Variants in CLASRP observed in about 807,000 individuals in gnomAD.
CLASRP encodes the protein CLK4 associating serine/arginine rich protein, also known as CLK4-associating serine/arginine rich protein.
Under a neutral mutation model 99.9 loss-of-function variants are expected in CLASRP, and 52 were observed. That is an observed-to-expected ratio of 0.52 (90% CI 0.42 to 0.66). The LOEUF is 0.66. Ranked by LOEUF, CLASRP falls within the 30% of genes least tolerant of loss-of-function variation. The pLI is 0.00. For missense variants in CLASRP, 848 were observed against 999.2 expected, an observed-to-expected ratio of 0.85 and a Z score of 2.04; for synonymous variants, 379 against 373.0, an observed-to-expected ratio of 1.02 and a Z score of -0.18.
chr19:45,050,998 C>T (rs1378309794), intron 2 of CLASRP, among the ~76,000 whole-genome samples: 1 of 152,068 alleles, frequency 6.6e-6, no homozygotes, highest in Non-Finnish European at 1.5e-5. Flanking sequence ...GGATTACCGG[C>T]GTGAGCCACT....
At chr19:45,051,978 A>G (rs1972032149) in intron 2 of CLASRP, 93 bp from the exon 3 acceptor site, 2 of 930,078 alleles carry the variant, frequency 2.2e-6, no homozygotes, top group Non-Finnish European at 3.3e-6. Context: ...AAAAAAAAAA[A>G]GAAGTGAGCT....
Position 45,056,523 on chromosome 19 carries a change from TGAG to T in CLASRP, c.454_456del (p.Glu152del). ...GAGGCCTCCAGAGACCCAGCGAAGATGAGAAGAAGAAGTGAGTCGGGGTCTGGG... is the reference window on the plus strand; with the variant it reads ...GAGGCCTCCAGAGACCCAGCGAAGATAAGAAGAAGTGAGTCGGGGTCTGGG... On this transcript the variant is annotated inframe_deletion, in exon 6 of 21. Coordinates refer to ENST00000221455, the MANE Select transcript of CLASRP (RefSeq NM_007056.3). The T allele has an allele frequency of 1.2e-6, 2 of 1,613,564 alleles. No individual in the cohort carries two copies. Among genetic ancestry groups the T allele is most frequent in the Admixed American group, 1.7e-5 (1 of 60,004 alleles).
intron 4 of CLASRP, 51 bp from the exon 5 acceptor site, chr19:45,053,047 G>C (rs76839524): frequency 1.7e-4 from 267 of 1,603,970 alleles, no homozygotes; most frequent in East Asian, 1.5e-3. Context: ...GCTGGCTTGG[G>C]GGGGGATCCA....
Position 45,070,557 on chromosome 19 carries a change from C to T in CLASRP, c.1978C>T (p.Arg660Ter). The T allele has an allele frequency of 1.2e-6, 2 of 1,613,640 alleles. No homozygotes were observed. Among genetic ancestry groups the T allele is most frequent in the Non-Finnish European group, 1.7e-6 (2 of 1,179,612 alleles). The change falls in exon 20 of 21, where the codon CGA becomes TGA. Residue 660 changes from arginine (R) to a stop codon, truncating the protein, a stop_gained. Coordinates refer to ENST00000221455, the MANE Select transcript of CLASRP (RefSeq NM_007056.3). LOFTEE classifies it high-confidence loss of function. ...TCCAGGTCGAGAATACAGCTCTTCT[C>T]GAAGGTAAGGAAGCCCATGACCCTC... ...PRYSREYSSSRRRSRSRSRSP... is the reference protein window; with the variant it reads ...PRYSREYSSS
At chr19:45,062,221 A>G (rs763336939) in intron 11 of CLASRP, 26 bp downstream of exon 11, 78 of 1,355,574 alleles carry the variant, frequency 5.8e-5, no homozygotes, top group Non-Finnish European at 7.4e-5. Flanking sequence ...GGACCAGGGA[A>G]TAGCAGACAG....
intron 15 of CLASRP, 163 bp downstream of exon 15, chr19:45,068,217 T>C (rs1316203396): frequency 5.8e-6 from 4 of 686,658 alleles, no homozygotes; most frequent in Non-Finnish European, 1.1e-5. Flanking sequence ...CATGTCCCTC[T>C]CCCCTCCTCA....
chr19:45,059,273 G>C lies in CLASRP; in HGVS notation c.619G>C (p.Glu207Gln). ...CAGCCTTTCTCTTGGTGCAGACGTG[G>C]AGGTGGACGTGGATGAATTGAACCA... The part of the protein sequence containing the change: ...EDEVIPDIDV[E>Q]VDVDELNQEQ... Residue 207 changes from glutamate to glutamine, a missense_variant, in exon 8 of 21, where the codon GAG (glutamate) becomes CAG (glutamine). Glu to Gln is a conservative substitution (Grantham distance 29). Around this residue, in one of 8 missense-constraint regions of CLASRP, gnomAD observed 119 missense variants for 170.2 expected, o/e 0.70. Coordinates refer to ENST00000221455, the MANE Select transcript of CLASRP (RefSeq NM_007056.3). 1 of 1,609,866 alleles carries C rather than the reference G, an allele frequency of 6.2e-7. No individual in the cohort carries two copies. The highest frequency in any genetic ancestry group is 8.5e-7 in the Non-Finnish European group (1 of 1,178,056).
At chr19:45,068,173 G>T in intron 15 of CLASRP, 119 bp downstream of exon 15, 1 of 854,954 alleles carries the variant, frequency 1.2e-6, no homozygotes. Flanking sequence ...CCAGGGACAG[G>T]GAGGGGAGGG....
chr19:45,052,095 C>T lies in CLASRP; in HGVS notation c.124C>T (p.Gln42Ter). Residue 42 changes from glutamine (Q) to a stop codon, truncating the protein, a stop_gained, in exon 3 of 21, where the codon CAG becomes TAG. Transcript: ENST00000221455. LOFTEE classifies it high-confidence loss of function. ...GAAGAAGGACCCAGCCCAGTTCCTG[C>T]AGGTACATGGCCGAGCTTGCAAGGT... is the stretch of plus-strand genomic sequence containing the variant. ...KIKKDPAQFL[Q>*]VHGRACKVHL... The T allele has an allele frequency of 6.2e-7, 1 of 1,614,032 alleles. No homozygotes were observed. The highest frequency in any genetic ancestry group is 8.5e-7 in the Non-Finnish European group (1 of 1,180,016).
intron 13 of CLASRP, among the ~76,000 whole-genome samples, chr19:45,066,075 C>A (rs1219999808): frequency 6.6e-6 from 1 of 152,094 alleles, no homozygotes; most frequent in Non-Finnish European, 1.5e-5. Flanking sequence ...CTTTCTAGTT[C>A]TCAGGAGAAG....
At chr19:45,051,177 C>T (rs1972015772) in intron 2 of CLASRP, among the ~76,000 whole-genome samples, 1 of 152,004 alleles carries the variant, frequency 6.6e-6, no homozygotes, top group South Asian at 2.1e-4. Context: ...CCACACCAGT[C>T]TCTAAATGAA....
intron 11 of CLASRP, 106 bp from the exon 12 acceptor site, chr19:45,063,906 G>A (rs1967000135): frequency 2.1e-6 from 3 of 1,455,134 alleles, no homozygotes; most frequent in South Asian, 1.4e-5. Context: ...CTGGTTTCCC[G>A]GGTCGCTGTG....
At chr19:45,045,296 G>C (rs894012149) in intron 2 of CLASRP, among the ~76,000 whole-genome samples, 1 of 152,204 alleles carries the variant, frequency 6.6e-6, no homozygotes, top group Admixed American at 6.5e-5. Context: ...CAGGAGGACT[G>C]CTTGAGCCCA....
intron 5 of CLASRP, among the ~76,000 whole-genome samples, chr19:45,054,067 C>T (rs1972076621): frequency 6.6e-6 from 1 of 152,246 alleles, no homozygotes; most frequent in African/African-American, 2.4e-5. Context: ...CAGGAATTTT[C>T]TCCCAGCCCA....
rs779426685 is a variant in CLASRP at position 45,070,852 on chromosome 19, G to C, written c.*7G>C. On this transcript the variant is annotated 3_prime_UTR_variant, in exon 21 of 21. Transcript: ENST00000221455. ...CCCCCATTACCGACATTAGGCAGAA[G>C]AGTGGGGGGTGGGGAGGACAAGGGG... 5.8e-6 allele frequency: 9 copies of C among 1,544,044 alleles called. No individual in the cohort carries two copies. Among genetic ancestry groups the C allele is most frequent in the Non-Finnish European group, 8.0e-6 (9 of 1,120,398 alleles).
chr19:45,057,198 G>C (rs1383431085), intron 6 of CLASRP, among the ~76,000 whole-genome samples: 2 of 152,176 alleles, frequency 1.3e-5, no homozygotes, highest in Non-Finnish European at 2.9e-5. Flanking sequence ...CCTGGTGCAC[G>C]GTAGCCTGGA....
Position 45,060,340 on chromosome 19 carries a change from C to A in CLASRP, c.711-49C>A. 1.3e-6 allele frequency: 2 copies of A among 1,544,894 alleles called. No individual in the cohort carries two copies. The highest frequency in any genetic ancestry group is 9.0e-7 in the Non-Finnish European group (1 of 1,117,176). On this transcript the variant is annotated intron_variant, in intron 8 of 20. Transcript: ENST00000221455. This position sits in a 1 kb window ranked among gnomAD's most constrained non-coding sequence, Gnocchi z 4.6. ...GATGACTCAGTCTGTGTCCTCCTTA[C>A]CCTGTGGCCTGCCCCATCCTCCACC...
At chr19:45,049,347 C>CCAGCTGAGGAAT (rs1971979783) in intron 2 of CLASRP, among the ~76,000 whole-genome samples, 1 of 152,158 alleles carries the variant, frequency 6.6e-6, no homozygotes, top group African/African-American at 2.4e-5. Context: ...CTGTGTGGCC[C>CCAGCTGAGGAAT]CAGCTGAGGA....
chr19:45,054,477 C>G (rs1972085093), intron 5 of CLASRP, among the ~76,000 whole-genome samples: 3 of 152,266 alleles, frequency 2.0e-5, no homozygotes, highest in Admixed American at 2.0e-4. Flanking sequence ...TCTTGAACTC[C>G]TGACCTCGTG....
Sources: gnomAD v4.1 joint callset for allele counts (sites outside exome capture counted in the v4.1 genomes callset) on GRCh38, gnomAD v4.1.1 for gene constraint, gnomAD v4.1.1 regional missense constraint, Gnocchi (gnomAD v3.1) non-coding constraint, MANE v1.5 for transcripts, NCBI Gene and HGNC (gene_info 2026-07-23, HGNC 2026-07-21) for gene names.